Variants in BCOR observed in about 807,000 individuals in gnomAD.
The protein encoded by BCOR is BCL-6 corepressor.
Under a neutral mutation model 86.7 loss-of-function variants are expected in BCOR, and 10 were observed. The ratio of observed to expected loss-of-function variants is 0.12; its 90% CI spans 0.07 to 0.20. The LOEUF (loss-of-function observed/expected upper bound fraction) is 0.20, where lower values mean the gene tolerates loss of function less well. BCOR is among the 10% of genes least tolerant of loss of function. BCOR has a pLI of 1.00. For missense variants in BCOR, 1,259 were observed against 1,452.1 expected, an observed-to-expected ratio of 0.87 and a Z score of 2.16; for synonymous variants, 611 against 609.0, an observed-to-expected ratio of 1.00 and a Z score of -0.05.
intron 1 of BCOR, among the ~76,000 whole-genome samples, chrX:40,136,709 G>A (rs1404771671): frequency 2.7e-5 from 3 of 112,179 alleles, no homozygotes; most frequent in African/African-American, 9.7e-5. Flanking sequence ...CAAAATAGAT[G>A]TCTATGGTCT....
At chrX:40,112,959 T>C (rs1458323137) in intron 1 of BCOR, among the ~76,000 whole-genome samples, 2 of 105,796 alleles carry the variant, frequency 1.9e-5, no homozygotes, top group Admixed American at 1.1e-4. Context: ...TTTTCATTCA[T>C]CTCCCCCTCA....
In BCOR at chrX:40,075,196, A is replaced by G; in HGVS notation, c.166-16T>C. ...TCGCATCCACCTTTGCAGAAGAACA[A>G]CATGGGTGTTACTGGGATACTCCTT... is the stretch of plus-strand genomic sequence containing the variant. On this transcript the variant is annotated splice_polypyrimidine_tract_variant and intron_variant, in intron 3 of 14. Coordinates refer to ENST00000378444, the MANE Select transcript of BCOR (RefSeq NM_001123385.2). 1 of 1,193,178 alleles carries G rather than the reference A, an allele frequency of 8.4e-7. No homozygotes were observed. Among genetic ancestry groups the G allele is most frequent in the Non-Finnish European group, 1.1e-6 (1 of 884,914 alleles).
chrX:40,151,137 T>C (rs1419074401), intron 1 of BCOR, among the ~76,000 whole-genome samples: 1 of 111,768 alleles, frequency 8.9e-6, no homozygotes, highest in Non-Finnish European at 1.9e-5. Flanking sequence ...AGGGTGGCAC[T>C]TCCCCCCTGG....
chrX:40,139,263 A>G (rs1382298200), intron 1 of BCOR, among the ~76,000 whole-genome samples: 1 of 99,083 alleles, frequency 1.0e-5, no homozygotes, highest in Non-Finnish European at 2.0e-5. Context: ...GGCGTGTTGA[A>G]TAAATATAAT....
chrX:40,154,429 C>T (rs771021078), intron 1 of BCOR, among the ~76,000 whole-genome samples: 108 of 112,546 alleles, frequency 9.6e-4, no homozygotes, highest in Non-Finnish European at 1.6e-3. Context: ...CCCTCCTCCC[C>T]CTTTGTTCTC....
chrX:40,090,286 C>G (rs1392979202), intron 1 of BCOR, among the ~76,000 whole-genome samples: 2 of 113,376 alleles, frequency 1.8e-5, no homozygotes, highest in Admixed American at 9.2e-5. Context: ...GAGACGGCGG[C>G]GCCGGGGCGC....
At chrX:40,075,330 G>GGGGGC in intron 3 of BCOR, 150 bp from the exon 4 acceptor site, 1 of 385,302 alleles carries the variant, frequency 2.6e-6, no homozygotes, top group Non-Finnish European at 4.7e-6. Context: ...GGGGTGGGGG[G>GGGGGC]TCTGTTTCCC....
At position 40,057,337 on chromosome X, in the gene BCOR, G is replaced by A; in HGVS notation, c.4429-16C>T. 2 of 1,203,101 alleles carry A rather than the reference G, an allele frequency of 1.7e-6. No homozygotes were observed. Among genetic ancestry groups the A allele is most frequent in the Non-Finnish European group, 2.3e-6 (2 of 888,519 alleles). ...GGACCACTTCCTGTGGGGAGGGGAG[G>A]GAAGAATGCCATCAGATCACTGCAC... On this transcript the variant is annotated splice_polypyrimidine_tract_variant and intron_variant, in intron 10 of 14. Coordinates refer to ENST00000378444, the MANE Select transcript of BCOR (RefSeq NM_001123385.2).
intron 6 of BCOR, among the ~76,000 whole-genome samples, chrX:40,070,369 G>A (rs930916788): frequency 8.9e-5 from 10 of 111,831 alleles, no homozygotes; most frequent in Non-Finnish European, 1.7e-4. Context: ...TGGTGGGGTG[G>A]GGGACCTGCT....
chrX:40,084,712 CACCA>C (rs1199702436), intron 1 of BCOR, among the ~76,000 whole-genome samples: 1 of 99,772 alleles, frequency 1.0e-5, no homozygotes, highest in African/African-American at 4.3e-5. Context: ...CACCCCCCCC[CACCA>C]CCACCACCAC....
chrX:40,137,347 G>C (rs1937701707), intron 1 of BCOR, among the ~76,000 whole-genome samples: 1 of 110,312 alleles, frequency 9.1e-6, no homozygotes, highest in African/African-American at 3.3e-5. Context: ...GGGAGTTCGA[G>C]ACCAGCCTGG....
chrX:40,155,712 G>C (rs1391033845), intron 1 of BCOR, among the ~76,000 whole-genome samples: 1 of 112,882 alleles, frequency 8.9e-6, no homozygotes, highest in Non-Finnish European at 1.9e-5. Flanking sequence ...TGCTGCCGCC[G>C]CCGCTAGAAG....
At chrX:40,064,252 G>T in intron 7 of BCOR, 84 bp downstream of exon 7, 1 of 1,173,412 alleles carries the variant, frequency 8.5e-7, no homozygotes, top group East Asian at 3.0e-5. Context: ...GCAGCGCGCC[G>T]CACATCCACA....
chrX:40,172,392 T>G (rs1938644069), intron 1 of BCOR, among the ~76,000 whole-genome samples: 1 of 112,462 alleles, frequency 8.9e-6, no homozygotes. Flanking sequence ...GATACTAGCG[T>G]GCGCGCAGAC....
intron 1 of BCOR, among the ~76,000 whole-genome samples, chrX:40,094,208 A>G (rs1319846043): frequency 9.0e-6 from 1 of 110,800 alleles, no homozygotes; most frequent in Non-Finnish European, 1.9e-5. Context: ...TAGCTCGCTC[A>G]CTCGCAGCTC....
chrX:40,069,990 T>C (rs778410354), intron 6 of BCOR, among the ~76,000 whole-genome samples: 26 of 112,048 alleles, frequency 2.3e-4, no homozygotes, highest in Admixed American at 2.0e-3. Flanking sequence ...GAGCTGGAAG[T>C]GGAGGGAGGG....
Position 40,074,109 on chromosome X carries a change from T to C in BCOR, c.1237A>G (p.Thr413Ala), listed in dbSNP as rs746532588. 3.3e-6 allele frequency: 4 copies of C among 1,211,029 alleles called. No individual in the cohort carries two copies. In the South Asian group the frequency reaches 7.0e-5, roughly 21 times the overall value. ...CCATCTTTTCTGTCTTGAACCGCTGTCTTCCGGGCATGCCCGGGCACTGGC... is the reference window on the plus strand; with the variant it reads ...CCATCTTTTCTGTCTTGAACCGCTGCCTTCCGGGCATGCCCGGGCACTGGC... ...AQPVPGHARKTAVQDRKDGSS... is the reference protein window; with the variant it reads ...AQPVPGHARKAAVQDRKDGSS... The change falls in exon 4 of 15, where the codon ACA (threonine) becomes GCA (alanine). Residue 413 changes from threonine (T) to alanine (A), a missense_variant. Thr to Ala is a moderately conservative substitution (Grantham distance 58, BLOSUM62 0). Coordinates refer to ENST00000378444, the MANE Select transcript of BCOR (RefSeq NM_001123385.2).
intron 6 of BCOR, among the ~76,000 whole-genome samples, chrX:40,070,748 T>C (rs1320351932): frequency 8.9e-6 from 1 of 111,965 alleles, no homozygotes; most frequent in East Asian, 2.8e-4. Context: ...ATACCTCTGC[T>C]ACACTGCGTT....
At position 40,051,531 on chromosome X, in the gene BCOR, A is replaced by G; in HGVS notation, c.*578T>C. The G allele has an allele frequency of 5.7e-6, 1 of 174,614 alleles. No homozygotes were observed. Among genetic ancestry groups the G allele is most frequent in the Non-Finnish European group, 1.1e-5 (1 of 90,760 alleles). The allele number at this position is 174,614 out of a possible 1,213,427, so 14.4% of individuals were successfully genotyped here. A position where few individuals can be genotyped will look rare whatever the true frequency, so the allele number is the denominator to read the frequency against. On this transcript the variant is annotated 3_prime_UTR_variant, in exon 15 of 15. Transcript: ENST00000378444. ...CAATCCGGTTTGATGCGTGAAAACT[A>G]ATTTCACAGCTTTTAAATTAGGATA...
Sources: allele counts gnomAD v4.1 joint callset (sites outside exome capture counted in the v4.1 genomes callset), GRCh38; gene constraint gnomAD v4.1.1; transcripts MANE v1.5; gene names NCBI Gene and HGNC (gene_info 2026-07-23, HGNC 2026-07-21).